The following TDRD12 variants were observed in gnomAD, a reference collection of about 807,000 sequenced individuals.
TDRD12 encodes tudor domain containing 12, also known as putative ATP-dependent RNA helicase TDRD12.
In TDRD12, 158 loss-of-function variants were observed where a neutral mutation model predicts 133.5. That is an observed-to-expected ratio of 1.18 (90% CI 1.04 to 1.35). The LOEUF is 1.35. TDRD12 is among the 40% of genes most tolerant of loss of function. The pLI, the probability that TDRD12 is intolerant of heterozygous loss-of-function variation, is 0.00. For missense variants in TDRD12, 1,443 were observed against 1,321.3 expected (o/e 1.09, Z -1.43); for synonymous variants, 460 against 477.9 (o/e 0.96, Z 0.49).
intron 22 of TDRD12, among the ~76,000 whole-genome samples, chr19:32,809,541 C>G (rs1330985240): frequency 6.6e-6 from 1 of 152,178 alleles, no homozygotes; most frequent in African/African-American, 2.4e-5. Context: ...TCTCTGCCCT[C>G]TGCACACTGA....
chr19:32,787,927 C>T (rs1424729418), intron 11 of TDRD12, among the ~76,000 whole-genome samples: 2 of 152,130 alleles, frequency 1.3e-5, no homozygotes, highest in African/African-American at 4.8e-5. Flanking sequence ...CTTCAGCTCA[C>T]CCTCCACGGG....
chr19:32,802,764 T>C, exon 20 of TDRD12: 5 of 1,536,734 alleles, frequency 3.3e-6, no homozygotes, highest in Non-Finnish European at 4.4e-6. Flanking sequence ...CTGTATTGCA[T>C]GTCTGATCAT....
intron 11 of TDRD12, among the ~76,000 whole-genome samples, chr19:32,777,828 TA>T (rs1970629597): frequency 2.4e-3 from 15 of 6,312 alleles, no homozygotes; most frequent in Non-Finnish European, 4.1e-3. Flanking sequence ...TATATATATA[TA>T]TATATATATA....
intron 23 of TDRD12, 43 bp downstream of exon 23, chr19:32,810,320 A>G: frequency 7.0e-7 from 1 of 1,430,316 alleles, no homozygotes; most frequent in Non-Finnish European, 9.2e-7. Context: ...TTGAAGCATG[A>G]GGTAACTAAG....
At chr19:32,792,227 TAG>T (rs1043687145) in intron 13 of TDRD12, among the ~76,000 whole-genome samples, 1 of 149,908 alleles carries the variant, frequency 6.7e-6, no homozygotes, top group African/African-American at 2.5e-5. Flanking sequence ...GCCTGGGCAA[TAG>T]AGCAAGACTC....
intron 27 of TDRD12, among the ~76,000 whole-genome samples, chr19:32,818,372 C>T (rs1967259330): frequency 6.6e-6 from 1 of 152,190 alleles, no homozygotes; most frequent in African/African-American, 2.4e-5. Flanking sequence ...CCTGTGGCCA[C>T]TGCAAGGAAT....
Position 32,798,302 on chromosome 19 carries a change from A to G in TDRD12, c.1631-6A>G. On this transcript the variant is annotated splice_polypyrimidine_tract_variant and splice_region_variant and intron_variant, in intron 15 of 27. Transcript: ENST00000444215. ...TGAAAATGTTCACTTTTTTTTTTAAATGCAGGTGATGTGATTGTTACGACC... is the reference window on the plus strand; with the variant it reads ...TGAAAATGTTCACTTTTTTTTTTAAGTGCAGGTGATGTGATTGTTACGACC... 1 of 1,511,224 alleles carries G rather than the reference A, an allele frequency of 6.6e-7. No individual in the cohort carries two copies. The highest frequency in any genetic ancestry group is 8.8e-7 in the Non-Finnish European group (1 of 1,130,836). 93.6% of individuals were successfully genotyped at this position (1,511,224 alleles called of 1,614,324 possible).
chr19:32,749,359 G>T (rs1297768256), intron 5 of TDRD12, among the ~76,000 whole-genome samples: 1 of 152,226 alleles, frequency 6.6e-6, no homozygotes, highest in South Asian at 2.1e-4. Context: ...AACCTTGAAG[G>T]TAGTGGTAAG....
intron 8 of TDRD12, among the ~76,000 whole-genome samples, chr19:32,758,446 G>A (rs1018198543): frequency 1.6e-4 from 25 of 152,132 alleles, no homozygotes; most frequent in African/African-American, 6.0e-4. Flanking sequence ...AGGAAAAAAT[G>A]CCAAACGGAA....
rs568306196 is a variant in TDRD12 at position 32,790,954 on chromosome 19, G to A, written c.1183-10G>A. 46 of 1,534,780 alleles carry A rather than the reference G, an allele frequency of 3.0e-5. No individual in the cohort carries two copies. Among genetic ancestry groups the A allele is most frequent in the African/African-American group, 2.1e-4 (15 of 72,956 alleles). ...CAGACACTGGTTGTCTAATGCACAC[G>A]TTCTCTCAGTTGCAGAAGCTGAAGG... On this transcript the variant is annotated splice_polypyrimidine_tract_variant and intron_variant, in intron 12 of 27. Transcript: ENST00000444215.
chr19:32,795,836 G>GGCTGGA (rs1971210071), intron 14 of TDRD12, among the ~76,000 whole-genome samples: 3 of 152,102 alleles, frequency 2.0e-5, no homozygotes, highest in African/African-American at 7.2e-5. Flanking sequence ...TGTGACACAT[G>GGCTGGA]GCTGGAGCAG....
chr19:32,720,163 C>CCTCCCACCCCCACCCCAGCCGCGCAT, intron 1 of TDRD12, 67 bp downstream of exon 1: 2 of 1,462,946 alleles, frequency 1.4e-6, no homozygotes, highest in East Asian at 5.3e-5. Flanking sequence ...CAGCCGCGCA[C>CCTCCCACCCCCACCCCAGCCGCGCAT]AGCCTCCCAC....
chr19:32,801,261 A>G (rs1326219671), intron 18 of TDRD12, among the ~76,000 whole-genome samples: 2 of 152,176 alleles, frequency 1.3e-5, no homozygotes, highest in African/African-American at 4.8e-5. Flanking sequence ...AAAAGATATC[A>G]TATAGCCAAA....
chr19:32,754,271 C>T (rs1032671488), intron 6 of TDRD12, among the ~76,000 whole-genome samples: 19 of 152,150 alleles, frequency 1.2e-4, no homozygotes, highest in African/African-American at 4.3e-4. Context: ...GAGTTTGAGA[C>T]CATCCTGGGC....
At chr19:32,799,116 C>T (rs1377623981) in intron 16 of TDRD12, among the ~76,000 whole-genome samples, 1 of 152,166 alleles carries the variant, frequency 6.6e-6, no homozygotes, top group East Asian at 1.9e-4. Flanking sequence ...GGGTCAGAGG[C>T]TTTGAGCTCT....
At chr19:32,815,689 C>T in intron 26 of TDRD12, 69 bp downstream of exon 26, 1 of 1,415,676 alleles carries the variant, frequency 7.1e-7, no homozygotes, top group Non-Finnish European at 9.5e-7. Context: ...GTGTTAAGGA[C>T]ATGTTTTATG....
chr19:32,786,743 G>A (rs190828116), intron 11 of TDRD12, among the ~76,000 whole-genome samples: 12 of 152,198 alleles, frequency 7.9e-5, no homozygotes, highest in African/African-American at 2.2e-4. Context: ...CATGCATCAC[G>A]AAGTTCCCGT....
At chr19:32,753,181 G>C (rs750954625) in intron 6 of TDRD12, among the ~76,000 whole-genome samples, 3 of 152,160 alleles carry the variant, frequency 2.0e-5, no homozygotes, top group Non-Finnish European at 4.4e-5. Flanking sequence ...TGGTGTGCTT[G>C]TTCCAACTGG....
chr19:32,748,445 G>A (rs745483044), intron 4 of TDRD12, 31 bp from the exon 5 acceptor site: 1 of 1,545,760 alleles, frequency 6.5e-7, no homozygotes, highest in African/African-American at 1.4e-5. Flanking sequence ...AGATTTTTAT[G>A]TAATGGAGTT....
Sources: allele counts gnomAD v4.1 joint callset (sites outside exome capture counted in the v4.1 genomes callset), GRCh38; gene constraint gnomAD v4.1.1; transcripts MANE v1.5; gene names NCBI Gene and HGNC (gene_info 2026-07-23, HGNC 2026-07-21).